Variants in DYSF observed in about 807,000 individuals in gnomAD.
The protein encoded by DYSF is dystrophy-associated fer-1-like 1.
Under a neutral mutation model 274.9 loss-of-function variants are expected in DYSF, and 212 were observed. The ratio of observed to expected loss-of-function variants is 0.77; its 90% CI spans 0.69 to 0.86. The LOEUF is 0.86. Ranked by LOEUF, DYSF falls within the 40% of genes least tolerant of loss-of-function variation. DYSF has a pLI of 0.00. For synonymous variants in DYSF, 1,091 were observed against 1,078.7 expected (o/e 1.01, Z -0.22); for missense variants, 2,666 against 2,783.2 (o/e 0.96, Z 0.95).
chr2:71,487,566 T>A (rs942875377), intron 3 of DYSF, among the ~76,000 whole-genome samples: 4 of 152,154 alleles, frequency 2.6e-5, no homozygotes, highest in African/African-American at 7.2e-5. Flanking sequence ...AGGAATGCAG[T>A]GGCATGATCT....
chr2:71,620,659 T>TG, intron 41 of DYSF, 50 bp downstream of exon 41: 4 of 828,782 alleles, frequency 4.8e-6, no homozygotes, highest in South Asian at 4.3e-5. Context: ...CTTGTGGGGC[T>TG]GGGGGTAGGG....
intron 40 of DYSF, among the ~76,000 whole-genome samples, chr2:71,617,900 T>TG (rs2093941312): frequency 1.4e-4 from 5 of 35,266 alleles, no homozygotes; most frequent in Non-Finnish European, 2.5e-4. Context: ...TAGAGGTGTG[T>TG]TTGTGGTAGA....
chr2:71,649,993 G>T (rs2094627767), intron 42 of DYSF, among the ~76,000 whole-genome samples: 1 of 152,144 alleles, frequency 6.6e-6, no homozygotes, highest in Non-Finnish European at 1.5e-5. Context: ...TGAGACAAAG[G>T]ATGACACTTT....
Position 71,615,528 on chromosome 2 carries a change from C to G in DYSF, c.4464+2118C>G, listed in dbSNP as rs79761160. On this transcript the variant is annotated intron_variant, in intron 40 of 55. Coordinates refer to ENST00000410020, the MANE Select transcript of DYSF (RefSeq NM_001130987.2). This position sits in a 1 kb window ranked among gnomAD's most constrained non-coding sequence, Gnocchi z 4.9. ...CTGTTCTGCAGGGAGCCCTGGCCCT[C>G]TGGGGAAGCCCCTTTTCTGGTATCT... 6.6e-6 allele frequency among the ~76,000 whole-genome samples: 1 copy of G among 152,146 alleles called. No individual in the cohort carries two copies. Among genetic ancestry groups the G allele is most frequent in the Non-Finnish European group, 1.5e-5 (1 of 68,018 alleles).
chr2:71,522,171 C>T (rs2087353567), intron 12 of DYSF, among the ~76,000 whole-genome samples: 1 of 152,062 alleles, frequency 6.6e-6, no homozygotes, highest in Non-Finnish European at 1.5e-5. Context: ...CTAAAACACC[C>T]CTTCCTTGAC....
At chr2:71,660,087 C>A (rs2094850208) in intron 44 of DYSF, among the ~76,000 whole-genome samples, 1 of 152,230 alleles carries the variant, frequency 6.6e-6, no homozygotes, top group African/African-American at 2.4e-5. Context: ...ACCCTGGGCA[C>A]TCTGCAGCCC....
intron 51 of DYSF, among the ~76,000 whole-genome samples, chr2:71,673,761 C>A (rs562699015): frequency 4.6e-5 from 7 of 152,240 alleles, no homozygotes; most frequent in African/African-American, 1.7e-4. Flanking sequence ...TGGTCTCCTC[C>A]ACTGTAAAGA....
chr2:71,506,490 A>G (rs10205355), intron 4 of DYSF, among the ~76,000 whole-genome samples: 114,448 of 151,982 alleles, frequency 0.75, 44,049 homozygotes, highest in Middle Eastern at 0.82. Flanking sequence ...AGTGCTGCTG[A>G]GTTGGAGACT....
intron 45 of DYSF, 40 bp downstream of exon 45, chr2:71,660,691 G>T (rs774741623): frequency 6.4e-7 from 1 of 1,560,846 alleles, no homozygotes; most frequent in African/African-American, 1.4e-5. Flanking sequence ...GGAGGAGCCA[G>T]ACAGGATAAC....
Position 71,656,213 on chromosome 2 carries a change from T to A in DYSF, c.4678T>A (p.Phe1560Ile). 1 of 1,614,216 alleles carries A rather than the reference T, an allele frequency of 6.2e-7. No homozygotes were observed. The highest frequency in any genetic ancestry group is 8.5e-7 in the Non-Finnish European group (1 of 1,180,050). ...GGAGGCCTTTGAGGGCCTGTCTGAC[T>A]TTTGTAACACCTTCAAGCTGTACCG... ...NVEAFEGLSD[F>I]CNTFKLYRGK... is the part of the protein sequence containing the mutation. The change falls in exon 43 of 56, where the codon TTT becomes ATT. Residue 1560 changes from phenylalanine to isoleucine, a missense_variant. Transcript: ENST00000410020.
chr2:71,673,005 C>T (rs552503300), intron 51 of DYSF, among the ~76,000 whole-genome samples: 3 of 152,216 alleles, frequency 2.0e-5, no homozygotes, highest in African/African-American at 7.2e-5. Flanking sequence ...CCGTGGCCAA[C>T]CTCTGAGGCT....
intron 20 of DYSF, 56 bp from the exon 21 acceptor site, chr2:71,553,751 C>CAACA: frequency 1.9e-6 from 2 of 1,045,050 alleles, no homozygotes; most frequent in Non-Finnish European, 2.8e-6. Flanking sequence ...CTTAGCACCC[C>CAACA]ATCCCACCCG....
rs915354710 is a variant in DYSF at position 71,575,878 on chromosome 2, C to T, written c.3402+1507C>T. Reference sequence around the variant, plus strand: ...TCATACAGTGTCCCCAGGACTCGCACCCCTGTCTTGGCCTTGTCTCACACG... The same window carrying T: ...TCATACAGTGTCCCCAGGACTCGCATCCCTGTCTTGGCCTTGTCTCACACG... On this transcript the variant is annotated intron_variant, in intron 30 of 55. Coordinates refer to ENST00000410020, the MANE Select transcript of DYSF (RefSeq NM_001130987.2). 2.6e-5 allele frequency among the ~76,000 whole-genome samples: 4 copies of T among 152,194 alleles called. No homozygotes were observed. The East Asian group carries it at 7.7e-4, about 29-fold the overall frequency.
At chr2:71,600,348 A>C (rs1484158909) in intron 33 of DYSF, among the ~76,000 whole-genome samples, 3 of 152,254 alleles carry the variant, frequency 2.0e-5, no homozygotes, top group Non-Finnish European at 4.4e-5. Context: ...AAAAACCTGT[A>C]CTGCTGAGCG....
intron 1 of DYSF, among the ~76,000 whole-genome samples, chr2:71,480,679 G>A (rs1016431827): frequency 1.7e-4 from 26 of 152,264 alleles, no homozygotes; most frequent in African/African-American, 5.8e-4. Flanking sequence ...GCATGTTTCT[G>A]ATGTCCCAGA....
At chr2:71,645,476 G>A (rs1330429011) in intron 42 of DYSF, among the ~76,000 whole-genome samples, 1 of 151,798 alleles carries the variant, frequency 6.6e-6, no homozygotes, top group Non-Finnish European at 1.5e-5. Flanking sequence ...CCCGCCGCTT[G>A]TGTGTTCCTC....
chr2:71,456,123 A>G (rs1309835252), intron 1 of DYSF, among the ~76,000 whole-genome samples: 1 of 145,104 alleles, frequency 6.9e-6, no homozygotes, highest in African/African-American at 2.6e-5. Flanking sequence ...CCCCACCCCC[A>G]TCTGCTTTTT....
At chr2:71,633,717 G>T (rs920481331) in intron 41 of DYSF, among the ~76,000 whole-genome samples, 3 of 151,828 alleles carry the variant, frequency 2.0e-5, no homozygotes, top group Admixed American at 6.6e-5. Flanking sequence ...TTTAAGAGTT[G>T]GGCATATAGT....
At chr2:71,663,185 C>G (rs3791827) in intron 45 of DYSF, among the ~76,000 whole-genome samples, 89,638 of 151,906 alleles carry the variant, frequency 0.59, 27,784 homozygotes, top group East Asian at 0.75. Flanking sequence ...CTCATGTGCC[C>G]ACCACCGCTG....
Sources: allele counts gnomAD v4.1 joint callset (sites outside exome capture counted in the v4.1 genomes callset), GRCh38; gene constraint gnomAD v4.1.1; non-coding constraint Gnocchi (gnomAD v3.1); transcripts MANE v1.5; gene names NCBI Gene and HGNC (gene_info 2026-07-23, HGNC 2026-07-21).